Variants in ADAMTS17 observed in about 807,000 individuals in gnomAD.
The protein encoded by ADAMTS17 is ADAM metallopeptidase with thrombospondin type 1 motif 17, also known as A disintegrin and metalloproteinase with thrombospondin motifs 17.
In ADAMTS17, 113 loss-of-function variants were observed where a neutral mutation model predicts 141.5. The ratio of observed to expected loss-of-function variants is 0.80; its 90% CI spans 0.69 to 0.93. The LOEUF (loss-of-function observed/expected upper bound fraction) is 0.93, where lower values mean the gene tolerates loss of function less well. ADAMTS17 is among the 40% of genes least tolerant of loss of function. The pLI is 0.00. For missense variants in ADAMTS17, 1,659 were observed against 1,517.9 expected, an observed-to-expected ratio of 1.09 and a Z score of -1.54; for synonymous variants, 768 against 630.6, an observed-to-expected ratio of 1.22 and a Z score of -3.27.
In ADAMTS17 at chr15:100,330,977, T is replaced by C. The variant is rs550886024; in HGVS notation, c.528A>G (p.Arg176=). 4.3e-5 allele frequency: 70 copies of C among 1,614,148 alleles called. No individual in the cohort carries two copies. The African/African-American group carries it at 4.8e-4, about 11-fold the overall frequency. The stretch of plus-strand genomic sequence containing the variant: ...ACCATTTGCGCCTGATCAGATGTTC[T>C]CGTCCACTGAATGGGCCCTGGGAGT... ...LNNSQGPFSG[R]EHLIRRKWSL... Residue 176 remains arginine (R), a synonymous_variant, in exon 3 of 22, where the codon CGA becomes CGG. Transcript: ENST00000268070.
At chr15:100,161,867 A>G (rs1567283087) in intron 8 of ADAMTS17, among the ~76,000 whole-genome samples, 1 of 152,244 alleles carries the variant, frequency 6.6e-6, no homozygotes, top group African/African-American at 2.4e-5. Flanking sequence ...AATAGCATCA[A>G]AAGCCTCTCA....
intron 4 of ADAMTS17, among the ~76,000 whole-genome samples, chr15:100,277,140 T>G (rs75685283): frequency 0.019 from 2,829 of 152,184 alleles, 72 homozygotes; most frequent in African/African-American, 0.064. Context: ...CACCCAGCCC[T>G]TCTCACAGTG....
At chr15:100,274,244 G>A (rs911194213) in intron 4 of ADAMTS17, among the ~76,000 whole-genome samples, 1 of 152,114 alleles carries the variant, frequency 6.6e-6, no homozygotes, top group Non-Finnish European at 1.5e-5. Flanking sequence ...CTGTCTGGTT[G>A]TTCTATCTAC....
At chr15:100,313,641 C>T (rs2045471732) in intron 3 of ADAMTS17, among the ~76,000 whole-genome samples, 2 of 152,246 alleles carry the variant, frequency 1.3e-5, no homozygotes, top group South Asian at 4.1e-4. Context: ...AATAATGGGA[C>T]AGACATACAG....
intron 2 of ADAMTS17, 78 bp downstream of exon 2, chr15:100,340,961 C>G: frequency 6.9e-7 from 1 of 1,447,250 alleles, no homozygotes; most frequent in Non-Finnish European, 9.3e-7. Context: ...CAGAGGCGCC[C>G]CACCCCCACC....
At chr15:100,138,898 T>A (rs1027740973) in intron 10 of ADAMTS17, among the ~76,000 whole-genome samples, 18 of 152,294 alleles carry the variant, frequency 1.2e-4, no homozygotes, top group East Asian at 5.8e-4. Flanking sequence ...TTTAAAAAAA[T>A]TTAAAATGCT....
chr15:100,035,826 T>C (rs1054041571), intron 18 of ADAMTS17, among the ~76,000 whole-genome samples: 10 of 152,062 alleles, frequency 6.6e-5, no homozygotes, highest in African/African-American at 2.4e-4. Flanking sequence ...AGTATAAATA[T>C]GAAAAAGAAA....
At chr15:100,310,910 C>T (rs917691500) in intron 3 of ADAMTS17, among the ~76,000 whole-genome samples, 3 of 152,192 alleles carry the variant, frequency 2.0e-5, no homozygotes, top group Admixed American at 6.5e-5. Context: ...CATGAAATTG[C>T]CTGTTGCTTT....
intron 7 of ADAMTS17, among the ~76,000 whole-genome samples, chr15:100,205,699 C>T (rs1365030000): frequency 6.6e-6 from 1 of 152,192 alleles, no homozygotes; most frequent in Non-Finnish European, 1.5e-5. Flanking sequence ...AACACTTTGT[C>T]AAGTGTTTCC....
intron 6 of ADAMTS17, among the ~76,000 whole-genome samples, chr15:100,259,112 C>G (rs4965293): frequency 1.3e-5 from 2 of 152,118 alleles, no homozygotes; most frequent in Non-Finnish European, 2.9e-5. Flanking sequence ...AGATTTTCCA[C>G]AGTATTTATG....
chr15:100,132,036 G>T lies in ADAMTS17; in HGVS notation c.1692C>A (p.Arg564=). Residue 564 remains arginine, a synonymous_variant, in exon 12 of 22, where the codon CGC becomes CGA. Coordinates refer to ENST00000268070, the MANE Select transcript of ADAMTS17 (RefSeq NM_139057.4). ...MCSRTCGTGA[R]FRQRKCDNPP... is the part of the protein sequence containing the mutation. ...GGTTGTCACATTTCCTCTGCCTGAA[G>T]CGGGCTCCCGTCCCACATGTTCGGC... 6.2e-7 allele frequency: 1 copy of T among 1,614,218 alleles called. No homozygotes were observed. The highest frequency in any genetic ancestry group is 1.6e-4 in the Middle Eastern group (1 of 6,062).
At chr15:100,094,231 G>A (rs1457147727) in intron 15 of ADAMTS17, among the ~76,000 whole-genome samples, 1 of 152,284 alleles carries the variant, frequency 6.6e-6, no homozygotes, top group African/African-American at 2.4e-5. Context: ...GCAGCTGGAA[G>A]GACACACACT....
chr15:100,065,973 G>A (rs1017726078), intron 15 of ADAMTS17, among the ~76,000 whole-genome samples: 3 of 152,280 alleles, frequency 2.0e-5, no homozygotes, highest in African/African-American at 7.2e-5. Flanking sequence ...AGAACATGCG[G>A]TGTTTGGTTT....
intron 4 of ADAMTS17, among the ~76,000 whole-genome samples, chr15:100,269,942 T>TC (rs960581984): frequency 2.6e-4 from 40 of 152,280 alleles, no homozygotes; most frequent in Admixed American, 2.1e-3. Context: ...GTAATCAAAA[T>TC]CCCCAACCAA....
chr15:100,167,484 A>G (rs74037538), intron 8 of ADAMTS17, among the ~76,000 whole-genome samples: 3,180 of 152,230 alleles, frequency 0.021, 131 homozygotes, highest in East Asian at 0.18. Context: ...GCTGCTGTGG[A>G]TTTCTTAGAC....
At chr15:100,159,695 G>A (rs944874123) in intron 8 of ADAMTS17, among the ~76,000 whole-genome samples, 2 of 152,214 alleles carry the variant, frequency 1.3e-5, no homozygotes, top group Non-Finnish European at 2.9e-5. Flanking sequence ...GCCTTGGCAG[G>A]CATGGTCTTA....
intron 7 of ADAMTS17, among the ~76,000 whole-genome samples, chr15:100,234,115 G>A (rs752670218): frequency 6.6e-5 from 10 of 152,190 alleles, no homozygotes; most frequent in Admixed American, 2.6e-4. Context: ...GGCCTGGACC[G>A]TGGGAGGAAT....
chr15:100,054,702 G>C (rs1233613763), intron 15 of ADAMTS17, among the ~76,000 whole-genome samples: 1 of 152,172 alleles, frequency 6.6e-6, no homozygotes, highest in Non-Finnish European at 1.5e-5. Flanking sequence ...CAGTGGTTGG[G>C]GGCTGAGCGT....
chr15:100,257,871 A>AC (rs1371096063), intron 6 of ADAMTS17, among the ~76,000 whole-genome samples: 5 of 151,808 alleles, frequency 3.3e-5, no homozygotes, highest in African/African-American at 4.8e-5. Flanking sequence ...CCTTTCCATC[A>AC]CCCCACACCG....
Sources: allele counts gnomAD v4.1 joint callset (sites outside exome capture counted in the v4.1 genomes callset), GRCh38; gene constraint gnomAD v4.1.1; transcripts MANE v1.5; gene names NCBI Gene and HGNC (gene_info 2026-07-23, HGNC 2026-07-21).